The following CDH18 variants were observed in gnomAD, a reference collection of about 807,000 sequenced individuals.
CDH18 encodes cadherin-18.
Under a neutral mutation model 67.9 loss-of-function variants are expected in CDH18, and 31 were observed. That is an observed-to-expected ratio of 0.46 (90% CI 0.34 to 0.62). The LOEUF (loss-of-function observed/expected upper bound fraction) is 0.62, where lower values mean the gene tolerates loss of function less well. CDH18 is among the 20% of genes least tolerant of loss of function. The probability of loss-of-function intolerance (pLI) is 0.01; values close to 1 mark genes in which losing one functional copy is unlikely to be tolerated. For missense variants in CDH18, 890 were observed against 975.5 expected (o/e 0.91, Z 1.17); for synonymous variants, 362 against 347.2 (o/e 1.04, Z -0.48).
intron 1 of CDH18, among the ~76,000 whole-genome samples, chr5:20,339,051 C>G (rs139270912): frequency 6.6e-6 from 1 of 152,134 alleles, no homozygotes; most frequent in South Asian, 2.1e-4. Context: ...TTCTCTCTCT[C>G]TCCACCCAAG....
At chr5:19,791,626 G>A (rs1337056107) in intron 3 of CDH18, among the ~76,000 whole-genome samples, 1 of 152,120 alleles carries the variant, frequency 6.6e-6, no homozygotes, top group Non-Finnish European at 1.5e-5. Flanking sequence ...GTCAAATCCT[G>A]TAGCTGCACA....
At chr5:20,298,010 C>T (rs1273950660) in intron 1 of CDH18, among the ~76,000 whole-genome samples, 1 of 152,028 alleles carries the variant, frequency 6.6e-6, no homozygotes. Flanking sequence ...TTATACCCCC[C>T]ATTATTCTAT....
chr5:19,734,637 C>A lies in CDH18; in HGVS notation c.523+12305G>T, dbSNP rs548093887. ...TCCAGGTGTCTTGTATTTACAAGGA[C>A]TTTCTTGGACAAGATAATGTTCTCC... On this transcript the variant is annotated intron_variant, in intron 4 of 12. Transcript: ENST00000382275. 9.2e-5 allele frequency among the ~76,000 whole-genome samples: 14 copies of A among 152,234 alleles called. No individual in the cohort carries two copies. The South Asian group carries it at 2.9e-3, about 32-fold the overall frequency.
chr5:19,486,336 C>T (rs1029962767), intron 11 of CDH18, among the ~76,000 whole-genome samples: 6 of 151,096 alleles, frequency 4.0e-5, no homozygotes, highest in African/African-American at 1.5e-4. Flanking sequence ...TACACACATA[C>T]ATATATACAC....
chr5:20,118,108 A>G (rs1316286709), intron 2 of CDH18, among the ~76,000 whole-genome samples: 3 of 152,310 alleles, frequency 2.0e-5, no homozygotes, highest in East Asian at 3.9e-4. Context: ...AATAAATGTC[A>G]TTAGCAAAAG....
chr5:19,687,570 C>G (rs1389347130), intron 5 of CDH18, among the ~76,000 whole-genome samples: 1 of 152,158 alleles, frequency 6.6e-6, no homozygotes, highest in East Asian at 1.9e-4. Context: ...GAGCCTGAAA[C>G]CCTCCTGCCT....
intron 5 of CDH18, among the ~76,000 whole-genome samples, chr5:19,624,516 A>T (rs1751216075): frequency 6.6e-6 from 1 of 152,196 alleles, no homozygotes; most frequent in African/African-American, 2.4e-5. Context: ...AGAGATATGT[A>T]TATGCTTTTT....
chr5:20,558,405 C>T (rs1758030416), intron 1 of CDH18, among the ~76,000 whole-genome samples: 1 of 152,042 alleles, frequency 6.6e-6, no homozygotes, highest in Non-Finnish European at 1.5e-5. Context: ...CTCCAGACTA[C>T]CAAGTGAGAA....
chr5:19,985,409 T>C (rs1799458645), intron 1 of CDH18, among the ~76,000 whole-genome samples: 1 of 152,104 alleles, frequency 6.6e-6, no homozygotes, highest in East Asian at 1.9e-4. Context: ...TGAGAACCAC[T>C]GCTCAAAATT....
intron 2 of CDH18, among the ~76,000 whole-genome samples, chr5:20,219,668 T>G (rs1464890733): frequency 6.6e-6 from 1 of 151,806 alleles, no homozygotes. Flanking sequence ...GATGCAAAAA[T>G]ACTTCAATAT....
chr5:19,795,676 G>C (rs188744381), intron 3 of CDH18, among the ~76,000 whole-genome samples: 213 of 151,794 alleles, frequency 1.4e-3, no homozygotes, highest in Non-Finnish European at 1.8e-3. Flanking sequence ...AAAATGTCTG[G>C]GAACTAAAAA....
intron 2 of CDH18, among the ~76,000 whole-genome samples, chr5:20,173,311 A>G (rs1736987238): frequency 6.6e-6 from 1 of 152,210 alleles, no homozygotes; most frequent in Non-Finnish European, 1.5e-5. Flanking sequence ...GAAACTAAAA[A>G]GCAAATCTCG....
chr5:20,198,668 A>T (rs1454891218), intron 2 of CDH18, among the ~76,000 whole-genome samples: 3 of 152,192 alleles, frequency 2.0e-5, no homozygotes, highest in Non-Finnish European at 4.4e-5. Flanking sequence ...TAGGCTAATC[A>T]CCAAGACTAT....
chr5:19,507,195 C>G (rs1744340079), intron 10 of CDH18, among the ~76,000 whole-genome samples: 1 of 152,080 alleles, frequency 6.6e-6, no homozygotes, highest in Admixed American at 6.6e-5. Context: ...CAAATCAAAA[C>G]CACAATGAGA....
At chr5:20,228,864 A>G (rs1187060724) in intron 2 of CDH18, among the ~76,000 whole-genome samples, 1 of 152,124 alleles carries the variant, frequency 6.6e-6, no homozygotes, top group African/African-American at 2.4e-5. Flanking sequence ...ATGGAATGCT[A>G]TTCAGTGAAT....
intron 2 of CDH18, among the ~76,000 whole-genome samples, chr5:20,099,390 T>C (rs1746263223): frequency 6.6e-6 from 1 of 152,188 alleles, no homozygotes; most frequent in South Asian, 2.1e-4. Flanking sequence ...TTAGTGCCTA[T>C]TGCTAGAGTC....
chr5:19,857,990 T>A (rs562559613), intron 2 of CDH18, among the ~76,000 whole-genome samples: 30 of 152,324 alleles, frequency 2.0e-4, no homozygotes, highest in African/African-American at 6.7e-4. Context: ...AATAGTCACT[T>A]GATTTCCTTG....
At chr5:19,846,873 G>T (rs1202211389) in intron 2 of CDH18, among the ~76,000 whole-genome samples, 3 of 152,026 alleles carry the variant, frequency 2.0e-5, no homozygotes, top group Non-Finnish European at 2.9e-5. Flanking sequence ...TACTTTTGAA[G>T]GTCAGACTTG....
chr5:20,569,735 T>C (rs534315109), intron 1 of CDH18, among the ~76,000 whole-genome samples: 26 of 152,328 alleles, frequency 1.7e-4, no homozygotes, highest in African/African-American at 6.3e-4. Flanking sequence ...TTAATGCTTA[T>C]GGCAGCTTTA....
Sources: allele counts gnomAD v4.1 joint callset (sites outside exome capture counted in the v4.1 genomes callset), GRCh38; gene constraint gnomAD v4.1.1; transcripts MANE v1.5; gene names NCBI Gene and HGNC (gene_info 2026-07-23, HGNC 2026-07-21).